SFSWAP: variants seen among roughly 807,000 people sequenced by gnomAD.
The protein encoded by SFSWAP is splicing factor, suppressor of white-apricot homolog.
Under a neutral mutation model 100.7 loss-of-function variants are expected in SFSWAP, and 17 were observed. The observed-to-expected ratio is 0.17, with a 90% CI of 0.12 to 0.25. The LOEUF is 0.25. SFSWAP is among the 10% of genes least tolerant of loss of function. The probability of loss-of-function intolerance (pLI) is 1.00; values close to 1 mark genes in which losing one functional copy is unlikely to be tolerated. For synonymous variants in SFSWAP, 504 were observed against 510.1 expected, an observed-to-expected ratio of 0.99 and a Z score of 0.16; for missense variants, 1,005 against 1,262.6, an observed-to-expected ratio of 0.80 and a Z score of 3.09.
At chr12:131,776,042 C>T (rs1159825366) in intron 13 of SFSWAP, among the ~76,000 whole-genome samples, 7 of 152,230 alleles carry the variant, frequency 4.6e-5, no homozygotes, top group South Asian at 4.1e-4. Context: ...GCGGAGGTTG[C>T]GGTGAGCTGA....
At chr12:131,748,285 C>T (rs1466843156) in intron 7 of SFSWAP, among the ~76,000 whole-genome samples, 1 of 147,250 alleles carries the variant, frequency 6.8e-6, no homozygotes, top group African/African-American at 2.5e-5. Flanking sequence ...CTCCCGGGTT[C>T]AAGTGATTCT....
At chr12:131,747,462 G>A (rs917852354) in intron 7 of SFSWAP, among the ~76,000 whole-genome samples, 4 of 152,216 alleles carry the variant, frequency 2.6e-5, no homozygotes, top group Non-Finnish European at 5.9e-5. Context: ...TGAGGTAGGA[G>A]AAGCAGGCAG....
rs558063862 is a variant in SFSWAP at position 131,721,181 on chromosome 12, A to C, written c.606+1642A>C. On this transcript the variant is annotated intron_variant, in intron 4 of 17. Transcript: ENST00000261674. ...AGGAGATGGTGCGAAACTATTCATG[A>C]AGGATCCACCCCATGATTCATTCAC... Among the ~76,000 whole-genome samples the C allele has an allele frequency of 3.9e-5, 6 of 152,304 alleles. No individual in the cohort carries two copies. In the East Asian group the frequency reaches 1.2e-3, roughly 29 times the overall value.
At chr12:131,776,132 G>GT (rs1333997364) in intron 13 of SFSWAP, among the ~76,000 whole-genome samples, 1 of 152,094 alleles carries the variant, frequency 6.6e-6, no homozygotes, top group Non-Finnish European at 1.5e-5. Flanking sequence ...ATATTTAAAA[G>GT]TTTGACCTGA....
At chr12:131,797,447 G>C (rs1369068589) in intron 16 of SFSWAP, 87 bp downstream of exon 16, 3 of 1,225,182 alleles carry the variant, frequency 2.4e-6, no homozygotes, top group Non-Finnish European at 3.4e-6. Context: ...CCTTGCCTAT[G>C]TCAGTACTCG....
chr12:131,754,607 C>T, intron 9 of SFSWAP, 108 bp downstream of exon 9: 2 of 526,574 alleles, frequency 3.8e-6, no homozygotes, highest in South Asian at 5.3e-5. Context: ...TATTTTTAAG[C>T]CTTTTCTTGG....
chr12:131,729,991 A>G (rs1306990445), intron 7 of SFSWAP, among the ~76,000 whole-genome samples: 1 of 152,248 alleles, frequency 6.6e-6, no homozygotes, highest in East Asian at 1.9e-4. Flanking sequence ...AAAACCTTTT[A>G]AAGCTGAGAA....
intron 7 of SFSWAP, among the ~76,000 whole-genome samples, chr12:131,732,093 A>G (rs1258460926): frequency 6.6e-6 from 1 of 151,742 alleles, no homozygotes; most frequent in Non-Finnish European, 1.5e-5. Context: ...TATTTTTAGT[A>G]GAGACGGGGT....
At chr12:131,731,576 A>T (rs551966598) in intron 7 of SFSWAP, among the ~76,000 whole-genome samples, 18 of 152,330 alleles carry the variant, frequency 1.2e-4, no homozygotes, top group Admixed American at 7.2e-4. Flanking sequence ...ACTGACTACT[A>T]TGTGGTTATT....
Position 131,786,523 on chromosome 12 carries a change from G to A in SFSWAP, c.2469G>A (p.Arg823=). 1.3e-6 allele frequency: 2 copies of A among 1,587,788 alleles called. No individual in the cohort carries two copies. The highest frequency in any genetic ancestry group is 1.7e-6 in the Non-Finnish European group (2 of 1,168,138). The part of the protein sequence containing the change: ...AHSPERRREE[R]SVPTAYRVSR... ...CCCCTGAGAGACGGAGGGAAGAGAG[G>A]AGTGTGCCCACTGCCTACCGCGTGA... is the stretch of plus-strand genomic sequence containing the variant. Residue 823 remains arginine (R), a synonymous_variant, in exon 15 of 18, where the codon AGG becomes AGA. Coordinates refer to ENST00000261674, the MANE Select transcript of SFSWAP (RefSeq NM_004592.4).
chr12:131,739,896 G>C (rs1880441181), intron 7 of SFSWAP, among the ~76,000 whole-genome samples: 1 of 151,952 alleles, frequency 6.6e-6, no homozygotes, highest in African/African-American at 2.4e-5. Flanking sequence ...TTTCCCTACA[G>C]CTTCTCCTTT....
At chr12:131,715,087 GA>G in intron 3 of SFSWAP, 134 bp downstream of exon 3, 1 of 790,026 alleles carries the variant, frequency 1.3e-6, no homozygotes, top group Non-Finnish European at 2.0e-6. Context: ...GAGAAAACGG[GA>G]GTGATATTCC....
chr12:131,720,324 A>T (rs1878350083), intron 4 of SFSWAP, among the ~76,000 whole-genome samples: 1 of 152,204 alleles, frequency 6.6e-6, no homozygotes, highest in Non-Finnish European at 1.5e-5. Context: ...AGAAACTGAG[A>T]CTTAGGAAAG....
At chr12:131,766,421 C>G in intron 13 of SFSWAP, 113 bp downstream of exon 13, 1 of 907,666 alleles carries the variant, frequency 1.1e-6, no homozygotes, top group South Asian at 1.6e-5. Context: ...GATATGAGCT[C>G]CCAGCTCTTC....
chr12:131,783,765 T>G (rs1232998008), intron 14 of SFSWAP: 1 of 122,874 alleles, frequency 8.1e-6, no homozygotes, highest in African/African-American at 2.7e-5. Context: ...GGCAACAGAG[T>G]GAGACTCCGT....
chr12:131,740,148 G>T (rs547244062), intron 7 of SFSWAP, among the ~76,000 whole-genome samples: 1 of 152,272 alleles, frequency 6.6e-6, no homozygotes, highest in African/African-American at 2.4e-5. Context: ...GTAGCTGGAT[G>T]GGTCATGACT....
chr12:131,781,141 T>C (rs1186970260), intron 14 of SFSWAP, among the ~76,000 whole-genome samples: 1 of 152,208 alleles, frequency 6.6e-6, no homozygotes, highest in East Asian at 1.9e-4. Context: ...ATTTGAATGA[T>C]TTATTTTAGA....
chr12:131,765,256 A>G (rs553004329), intron 12 of SFSWAP, among the ~76,000 whole-genome samples: 2 of 152,372 alleles, frequency 1.3e-5, no homozygotes, highest in East Asian at 3.9e-4. Context: ...AAAGCAGTCA[A>G]ATAATGGTTG....
Position 131,797,367 on chromosome 12 carries a change from C to T in SFSWAP, c.2717+7C>T, listed in dbSNP as rs1885758467. On this transcript the variant is annotated splice_region_variant and intron_variant, in intron 16 of 17. Transcript: ENST00000261674. ...CCAGCCAGGAGCGCTCCAGGTAACC[C>T]CTGTCCTCCAGCAGCTCTCTCTGGG... 1 of 1,599,590 alleles carries T rather than the reference C, an allele frequency of 6.3e-7. No individual in the cohort carries two copies. Among genetic ancestry groups the T allele is most frequent in the Non-Finnish European group, 8.5e-7 (1 of 1,172,714 alleles).
Sources: gnomAD v4.1 joint callset for allele counts (sites outside exome capture counted in the v4.1 genomes callset) on GRCh38, gnomAD v4.1.1 for gene constraint, MANE v1.5 for transcripts, NCBI Gene and HGNC (gene_info 2026-07-23, HGNC 2026-07-21) for gene names.